The following CERS6 variants were observed in gnomAD, a reference collection of about 807,000 sequenced individuals.
CERS6 encodes LAG1 homolog, ceramide synthase 6.
CERS6 carries 26 observed loss-of-function variants against 56.8 expected under a neutral mutation model. That is an observed-to-expected ratio of 0.46 (90% confidence interval 0.34 to 0.63). The LOEUF is 0.63. CERS6 is among the 30% of genes least tolerant of loss of function. CERS6 has a pLI of 0.01. For synonymous variants in CERS6, 164 were observed against 173.3 expected (o/e 0.95, Z 0.42); for missense variants, 415 against 467.5 (o/e 0.89, Z 1.04).
At position 168,548,321 on chromosome 2, in the gene CERS6, G is replaced by A. The variant is rs115969467; in HGVS notation, c.276+620G>A. Among the ~76,000 whole-genome samples the A allele has an allele frequency of 6.1e-3, 921 of 152,144 alleles. 5 individuals are homozygous for A. The highest frequency in any genetic ancestry group is 0.021 in the African/African-American group (872 of 41,486). ...AAACTAGGAGTGGGAGGAAGGGAGT[G>A]GGAGAGAAGTGGGTAGAAGAGACCA... On this transcript the variant is annotated intron_variant, in intron 2 of 9. Coordinates refer to ENST00000305747, the MANE Select transcript of CERS6 (RefSeq NM_203463.3).
At chr2:168,678,752 G>A (rs1371883486) in intron 4 of CERS6, among the ~76,000 whole-genome samples, 1 of 152,092 alleles carries the variant, frequency 6.6e-6, no homozygotes, top group Non-Finnish European at 1.5e-5. Flanking sequence ...AAGACAATAT[G>A]CATCAACTCC....
intron 2 of CERS6, among the ~76,000 whole-genome samples, chr2:168,557,235 G>A (rs949980435): frequency 1.3e-5 from 2 of 152,050 alleles, no homozygotes; most frequent in Non-Finnish European, 2.9e-5. Flanking sequence ...GAATAATATA[G>A]CTAGGAATAA....
chr2:168,492,159 G>A (rs914016553), intron 1 of CERS6, among the ~76,000 whole-genome samples: 3 of 152,106 alleles, frequency 2.0e-5, no homozygotes, highest in Admixed American at 2.0e-4. Context: ...TGGGTCAAAT[G>A]GTATTTCTAG....
At chr2:168,738,872 G>GTTGT (rs147964418) in intron 8 of CERS6, among the ~76,000 whole-genome samples, 1 of 151,788 alleles carries the variant, frequency 6.6e-6, no homozygotes, top group East Asian at 1.9e-4. Context: ...TACAGTAGAA[G>GTTGT]TTGTTTGTTT....
chr2:168,457,324 G>C (rs555101118), intron 1 of CERS6, among the ~76,000 whole-genome samples: 1 of 152,306 alleles, frequency 6.6e-6, no homozygotes, highest in African/African-American at 2.4e-5. Context: ...ACCCTGTCCT[G>C]TGAATAATCA....
At chr2:168,565,394 A>T (rs1695866926) in intron 3 of CERS6, among the ~76,000 whole-genome samples, 1 of 152,224 alleles carries the variant, frequency 6.6e-6, no homozygotes, top group Admixed American at 6.5e-5. Context: ...AGTGCTTATG[A>T]CACACATCCC....
At chr2:168,672,057 A>G (rs954319716) in intron 4 of CERS6, among the ~76,000 whole-genome samples, 12 of 152,186 alleles carry the variant, frequency 7.9e-5, no homozygotes, top group South Asian at 2.1e-4. Context: ...TCTCAGCTCA[A>G]TTACTAAAGT....
intron 1 of CERS6, among the ~76,000 whole-genome samples, chr2:168,539,824 A>G (rs1324722517): frequency 6.6e-6 from 1 of 152,056 alleles, no homozygotes; most frequent in Non-Finnish European, 1.5e-5. Flanking sequence ...ATTTTTACTT[A>G]TGCATAGGTT....
chr2:168,672,781 A>G lies in CERS6; in HGVS notation c.466-18253A>G, dbSNP rs138822453. On this transcript the variant is annotated intron_variant, in intron 4 of 9. Transcript: ENST00000305747. ...CAGCCTCTTGACATAGTTCAATTGC[A>G]TTAATCTATCCTACTTGTATCTTGC... Among the ~76,000 whole-genome samples, 119 of 152,354 alleles carry G rather than the reference A, an allele frequency of 7.8e-4. No individual in the cohort carries two copies. In the East Asian group the frequency reaches 0.02, roughly 25 times the overall value.
intron 2 of CERS6, among the ~76,000 whole-genome samples, chr2:168,555,730 G>C (rs1264836189): frequency 6.1e-5 from 5 of 81,370 alleles, no homozygotes; most frequent in Admixed American, 1.6e-4. Context: ...CTCTGTGTGT[G>C]TGTGTGTGTG....
chr2:168,699,771 G>A (rs1686758684), intron 6 of CERS6, among the ~76,000 whole-genome samples: 1 of 152,092 alleles, frequency 6.6e-6, no homozygotes, highest in Admixed American at 6.5e-5. Flanking sequence ...AAGATTAGAT[G>A]AAAAATAAAA....
chr2:168,526,854 T>G (rs915025325), intron 1 of CERS6, among the ~76,000 whole-genome samples: 1 of 152,222 alleles, frequency 6.6e-6, no homozygotes, highest in Non-Finnish European at 1.5e-5. Context: ...TCCAGCAGCC[T>G]TCAACAAATT....
At chr2:168,550,556 CA>C (rs1695548244) in intron 2 of CERS6, among the ~76,000 whole-genome samples, 1 of 152,196 alleles carries the variant, frequency 6.6e-6, no homozygotes, top group Non-Finnish European at 1.5e-5. Context: ...CAGACCCTCA[CA>C]GGTAGCTGGG....
Position 168,658,928 on chromosome 2 carries a change from G to A in CERS6, c.465+27886G>A, listed in dbSNP as rs376173334. Among the ~76,000 whole-genome samples, 6 of 152,264 alleles carry A rather than the reference G, an allele frequency of 3.9e-5. No homozygotes were observed. In the East Asian group the frequency reaches 7.7e-4, roughly 20 times the overall value. ...TGGCATGGTGCCATCAGCTTCTATC[G>A]GGAGCAATTATGGGAAGAAGTCTTG... On this transcript the variant is annotated intron_variant, in intron 4 of 9. Coordinates refer to ENST00000305747, the MANE Select transcript of CERS6 (RefSeq NM_203463.3).
At chr2:168,507,747 G>A (rs1431280742) in intron 1 of CERS6, among the ~76,000 whole-genome samples, 1 of 152,104 alleles carries the variant, frequency 6.6e-6, no homozygotes, top group Non-Finnish European at 1.5e-5. Context: ...TAAGATGATA[G>A]CAAAATGATG....
rs574710948 is a variant in CERS6, at chr2:168,530,781, T to C, written c.171-16815T>C. 2.0e-4 allele frequency among the ~76,000 whole-genome samples: 31 copies of C among 152,350 alleles called. No homozygotes were observed. In the South Asian group the frequency reaches 6.4e-3, roughly 32 times the overall value. On this transcript the variant is annotated intron_variant, in intron 1 of 9. Transcript: ENST00000305747. ...TCCAAGGATCCCAGCTCTTAGGTTT[T>C]GAATGTGATGGCCTTTTGGTCTCTG...
At chr2:168,765,361 GTGAATAGGGAAAAA>G (rs1684701402) in intron 8 of CERS6, among the ~76,000 whole-genome samples, 1 of 152,160 alleles carries the variant, frequency 6.6e-6, no homozygotes, top group Non-Finnish European at 1.5e-5. Flanking sequence ...TTTTAAAGAA[GTGAATAGGGAAAAA>G]TATATTAATT....
chr2:168,581,022 CT>C lies in CERS6; in HGVS notation c.407+19714del, dbSNP rs201849418. 2.2e-3 allele frequency among the ~76,000 whole-genome samples: 312 copies of C among 143,342 alleles called. 1 individual carries two copies. The highest frequency in any genetic ancestry group is 2.3e-3 in the Non-Finnish European group (153 of 65,242). 94.0% of individuals were successfully genotyped at this position (143,342 alleles called of 152,430 possible). On this transcript the variant is annotated intron_variant, in intron 3 of 9. Transcript: ENST00000305747. ...AATCTATGAATCTATGGATTGCTAT[CT>C]TTTTTTTTTTTTTGAGATGGAGTCT...
intron 8 of CERS6, among the ~76,000 whole-genome samples, chr2:168,733,747 A>G (rs1400862219): frequency 1.3e-5 from 2 of 152,168 alleles, no homozygotes; most frequent in East Asian, 1.9e-4. Flanking sequence ...AAACATGATG[A>G]TGGTAGAGGA....
Sources: gnomAD v4.1 joint callset for allele counts (sites outside exome capture counted in the v4.1 genomes callset) on GRCh38, gnomAD v4.1.1 for gene constraint, MANE v1.5 for transcripts, NCBI Gene and HGNC (gene_info 2026-07-23, HGNC 2026-07-21) for gene names.